RAP1GAP2: variants seen among roughly 807,000 people sequenced by gnomAD.
RAP1GAP2 encodes the protein rap1 GTPase-activating protein 2.
RAP1GAP2 carries 27 observed loss-of-function variants against 95.0 expected under a neutral mutation model. The ratio of observed to expected loss-of-function variants is 0.28; its 90% CI spans 0.21 to 0.39. The LOEUF (loss-of-function observed/expected upper bound fraction) is 0.39. Ranked by LOEUF, RAP1GAP2 falls within the 10% of genes least tolerant of loss-of-function variation. The pLI is 1.00. For synonymous variants in RAP1GAP2, 373 were observed against 380.9 expected (o/e 0.98, Z 0.24); for missense variants, 771 against 970.0 (o/e 0.79, Z 2.72).
chr17:3,016,337 A>G (rs1287339473), intron 17 of RAP1GAP2, among the ~76,000 whole-genome samples: 1 of 152,264 alleles, frequency 6.6e-6, no homozygotes, highest in Non-Finnish European at 1.5e-5. Context: ...TAGGCAGATC[A>G]TGACTTAATC....
At chr17:2,862,681 A>G (rs1420862173) in intron 2 of RAP1GAP2, among the ~76,000 whole-genome samples, 4 of 152,168 alleles carry the variant, frequency 2.6e-5, no homozygotes, top group Non-Finnish European at 5.9e-5. Flanking sequence ...TTTTCCATGT[A>G]TGATAGTTAT....
intron 19 of RAP1GAP2, among the ~76,000 whole-genome samples, chr17:3,025,774 G>A (rs2047089791): frequency 6.6e-6 from 1 of 152,150 alleles, no homozygotes; most frequent in Non-Finnish European, 1.5e-5. Flanking sequence ...TGGCAGCTCT[G>A]GACTTCACCA....
intron 17 of RAP1GAP2, among the ~76,000 whole-genome samples, chr17:3,013,621 T>C (rs1040008642): frequency 3.5e-4 from 34 of 98,320 alleles, no homozygotes; most frequent in African/African-American, 1.4e-3. Context: ...GTTTTTCTTT[T>C]CTTTTCTTTT....
chr17:2,814,885 C>T (rs879835642), intron 2 of RAP1GAP2, among the ~76,000 whole-genome samples: 3 of 152,076 alleles, frequency 2.0e-5, no homozygotes, highest in Non-Finnish European at 2.9e-5. Flanking sequence ...CCCCTTTCTT[C>T]GGTGCTTTGC....
At chr17:2,794,442 G>C (rs1455943162), upstream of RAP1GAP2, among the ~76,000 whole-genome samples, 2 of 152,220 alleles carry the variant, frequency 1.3e-5, no homozygotes, top group Admixed American at 6.5e-5. Context: ...TCTGGGGAGA[G>C]AGGCGCTTGT....
rs911853615 is a variant in RAP1GAP2 at position 2,780,555 on chromosome 17, A to C, written c.-14+3277A>C. Among the ~76,000 whole-genome samples, 260 of 151,066 alleles carry C rather than the reference A, an allele frequency of 1.7e-3. 3 individuals carry two copies. The highest frequency in any genetic ancestry group is 6.1e-3 in the African/African-American group (249 of 41,152). ...CCTCTCCCATCTCTGAGCAATGTGC[A>C]CCCCCCCCAGGAGAGGTCACAGAGT... On this transcript the variant is annotated intron_variant, in intron 1 of 24. Transcript: ENST00000540393.
Position 3,005,735 on chromosome 17 carries a change from C to T in RAP1GAP2, c.1273-220C>T, listed in dbSNP as rs912885863. On this transcript the variant is annotated intron_variant, in intron 15 of 24. Coordinates refer to ENST00000254695, the MANE Select transcript of RAP1GAP2 (RefSeq NM_015085.5). The surrounding 1 kb of genome is among the most constrained non-coding windows in gnomAD (Gnocchi z 5.2). ...GCCTTGGGCAGGAATGAGCTCCAGT[C>T]GTGGAAGTGCCACTGTGGCTTCCCA... Among the ~76,000 whole-genome samples the T allele has an allele frequency of 1.3e-5, 2 of 152,142 alleles. No individual in the cohort carries two copies. The highest frequency in any genetic ancestry group is 2.1e-4 in the South Asian group (1 of 4,832).
At chr17:2,790,816 G>C (rs531970321) in intron 1 of RAP1GAP2, among the ~76,000 whole-genome samples, 1 of 152,358 alleles carries the variant, frequency 6.6e-6, no homozygotes, top group South Asian at 2.1e-4. Context: ...AGGGCCAGGG[G>C]ACACAGTGGA....
At position 3,027,130 on chromosome 17, in the gene RAP1GAP2, C is replaced by T; in HGVS notation, c.2107+60C>T. The T allele has an allele frequency of 8.0e-6, 12 of 1,505,674 alleles. No individual in the cohort carries two copies. Among genetic ancestry groups the T allele is most frequent in the Non-Finnish European group, 1.1e-5 (12 of 1,119,696 alleles). 93.3% of individuals were successfully genotyped at this position (1,505,674 alleles called of 1,614,324 possible). On this transcript the variant is annotated intron_variant, in intron 22 of 24. Coordinates refer to ENST00000254695, the MANE Select transcript of RAP1GAP2 (RefSeq NM_015085.5). This position sits in a 1 kb window ranked among gnomAD's most constrained non-coding sequence, Gnocchi z 5.2. ...AGGAGGGCAGGCTGTGCCCTGTCCACTGTTAGCAGGGCCCCAGCCACGCTG... is the reference window on the plus strand; with the variant it reads ...AGGAGGGCAGGCTGTGCCCTGTCCATTGTTAGCAGGGCCCCAGCCACGCTG...
chr17:2,780,456 C>T (rs907595559), intron 1 of RAP1GAP2, among the ~76,000 whole-genome samples: 15 of 152,360 alleles, frequency 9.8e-5, no homozygotes, highest in African/African-American at 3.4e-4. Context: ...TTATGAGCGG[C>T]GATTGGAGAA....
intron 8 of RAP1GAP2, among the ~76,000 whole-genome samples, chr17:2,968,433 T>C (rs2044709940): frequency 6.6e-6 from 1 of 152,140 alleles, no homozygotes; most frequent in Non-Finnish European, 1.5e-5. Context: ...ATTACACATA[T>C]GGATAATTGA....
Position 2,903,193 on chromosome 17 carries a change from C to T in RAP1GAP2, c.81-2091C>T, listed in dbSNP as rs2042081465. 1.3e-5 allele frequency among the ~76,000 whole-genome samples: 2 copies of T among 152,186 alleles called. No homozygotes were observed. ...CTTACAGGGGAGCAGCTGTCATTCT[C>T]ACCATGGGCCCGAAGAGGACCTGAG... On this transcript the variant is annotated intron_variant, in intron 2 of 24. Transcript: ENST00000254695. The surrounding 1 kb of genome is among the most constrained non-coding windows in gnomAD (Gnocchi z 4.1).
chr17:2,764,396 C>T (rs1370805447), intron 1 of RAP1GAP2, among the ~76,000 whole-genome samples: 1 of 149,722 alleles, frequency 6.7e-6, no homozygotes, highest in Non-Finnish European at 1.5e-5. Context: ...TGCGCCATTG[C>T]CTGGGCGACG....
Position 3,008,039 on chromosome 17 carries a change from A to G in RAP1GAP2, c.1388A>G (p.Asn463Ser), listed in dbSNP as rs761039408. 29 of 1,613,736 alleles carry G rather than the reference A, an allele frequency of 1.8e-5. No individual in the cohort carries two copies. The highest frequency in any genetic ancestry group is 2.7e-5 in the African/African-American group (2 of 74,884). Residue 463 changes from asparagine (N) to serine (S), a missense_variant, in exon 17 of 25, where the codon AAC becomes AGC. By Grantham distance (46) the Asn-to-Ser change is conservative. Transcript: ENST00000254695. The surrounding 1 kb of genome is among the most constrained non-coding windows in gnomAD (Gnocchi z 4.2). Reference sequence around the variant, plus strand: ...CGGACCAGGGCTGCCCTCCTGGACAACCTTCACGATGAGCTCCACGCCCAC... The same window carrying G: ...CGGACCAGGGCTGCCCTCCTGGACAGCCTTCACGATGAGCTCCACGCCCAC... ...EDRTRAALLD[N>S]LHDELHAHTQ...
In RAP1GAP2 at chr17:3,005,045, G is replaced by A. The variant is rs62089778; in HGVS notation, c.1201-324G>A. Among the ~76,000 whole-genome samples, 7,529 of 152,090 alleles carry A rather than the reference G, an allele frequency of 0.05. 250 individuals are homozygous for A. The highest frequency in any genetic ancestry group is 0.078 in the Middle Eastern group (23 of 294). On this transcript the variant is annotated intron_variant, in intron 14 of 24. Transcript: ENST00000254695. The surrounding 1 kb of genome is among the most constrained non-coding windows in gnomAD (Gnocchi z 5.2). ...GCCTTCTCAGTAGGATTAGCGTCAC[G>A]GTCGAATGAGGTCACGAGATGCCAT...
In RAP1GAP2 at chr17:2,903,003, C is replaced by T. The variant is rs916290748; in HGVS notation, c.81-2281C>T. 6.6e-6 allele frequency among the ~76,000 whole-genome samples: 1 copy of T among 152,212 alleles called. No homozygotes were observed. Among genetic ancestry groups the T allele is most frequent in the Non-Finnish European group, 1.5e-5 (1 of 68,040 alleles). ...CGGTGATGTTAAAACCAGCTCTGTC[C>T]TCCTCTGGACTGTGTGTTTCTGGAG... On this transcript the variant is annotated intron_variant, in intron 2 of 24. Coordinates refer to ENST00000254695, the MANE Select transcript of RAP1GAP2 (RefSeq NM_015085.5). The surrounding 1 kb of genome is among the most constrained non-coding windows in gnomAD (Gnocchi z 4.1).
chr17:2,944,179 A>AG (rs1478179582), intron 3 of RAP1GAP2, among the ~76,000 whole-genome samples: 1 of 151,792 alleles, frequency 6.6e-6, no homozygotes, highest in Non-Finnish European at 1.5e-5. Flanking sequence ...AAAAAAAAAA[A>AG]AAAACCAAAC....
intron 17 of RAP1GAP2, among the ~76,000 whole-genome samples, chr17:3,010,928 A>AT (rs2046514661): frequency 6.6e-6 from 1 of 151,562 alleles, no homozygotes; most frequent in African/African-American, 2.4e-5. Context: ...AAATTTTTTT[A>AT]TTTTTTAATT....
chr17:2,810,898 G>T (rs2069745717), intron 2 of RAP1GAP2, among the ~76,000 whole-genome samples: 1 of 152,010 alleles, frequency 6.6e-6, no homozygotes, highest in African/African-American at 2.4e-5. Flanking sequence ...GCTGAGCTTG[G>T]TTACCTGTGG....
Sources: gnomAD v4.1 joint callset for allele counts (sites outside exome capture counted in the v4.1 genomes callset) on GRCh38, gnomAD v4.1.1 for gene constraint, Gnocchi (gnomAD v3.1) non-coding constraint, MANE v1.5 for transcripts, NCBI Gene and HGNC (gene_info 2026-07-23, HGNC 2026-07-21) for gene names.